The following CSF2RA variants were observed in gnomAD, a reference collection of about 807,000 sequenced individuals.
The protein encoded by CSF2RA is granulocyte-macrophage colony-stimulating factor receptor subunit alpha.
CSF2RA carries 42 observed loss-of-function variants against 51.6 expected under a neutral mutation model. The ratio of observed to expected loss-of-function variants is 0.81; its 90% CI spans 0.64 to 1.05. The LOEUF is 1.05. Among genes scored for constraint, CSF2RA ranks in the 50% least tolerant of loss-of-function variants. The probability of loss-of-function intolerance (pLI) is 0.00; values close to 1 mark genes in which losing one functional copy is unlikely to be tolerated. For synonymous variants in CSF2RA, 222 were observed against 193.0 expected (o/e 1.15, Z -1.24); for missense variants, 530 against 501.1 (o/e 1.06, Z -0.55).
rs771582096 is a variant in CSF2RA at position 1,300,546 on chromosome X, G to C, written c.866G>C (p.Arg289Thr). The C allele has an allele frequency of 6.8e-6, 11 of 1,613,788 alleles. No homozygotes were observed. Among genetic ancestry groups the C allele is most frequent in the Admixed American group, 1.7e-5 (1 of 59,966 alleles). The change falls in exon 10 of 13, where the codon AGA becomes ACA. Residue 289 changes from arginine (R) to threonine (T), a missense_variant. Arg to Thr is a moderately conservative substitution (Grantham distance 71). Coordinates refer to ENST00000381529, the MANE Select transcript of CSF2RA (RefSeq NM_172245.4). The stretch of plus-strand genomic sequence containing the variant: ...TACAACTTTCCAAGCTCTGAGCCCA[G>C]AGCAAAACACAGTGTGAAGATCAGA... ...NRYNFPSSEPRAKHSVKIRAA... is the reference protein window; with the variant it reads ...NRYNFPSSEPTAKHSVKIRAA...
intron 4 of CSF2RA, among the ~76,000 whole-genome samples, chrX:1,286,704 G>A (rs1166857248): frequency 3.3e-5 from 5 of 152,186 alleles, no homozygotes; most frequent in Non-Finnish European, 5.9e-5. Context: ...GTTAGCTCAT[G>A]TCCACAATGT....
chrX:1,294,541 G>T, intron 8 of CSF2RA, 80 bp downstream of exon 8: 1 of 1,589,268 alleles, frequency 6.3e-7, no homozygotes, highest in Non-Finnish European at 8.6e-7. Context: ...GGAATCCCGG[G>T]GAAGTGGCCT....
At chrX:1,316,283 TA>T in the CSF2RA span, among the ~76,000 whole-genome samples, 1 of 147,278 alleles carries the variant, frequency 6.8e-6, no homozygotes, top group African/African-American at 2.6e-5. Flanking sequence ...GATAGATAGA[TA>T]GATAGATAGA....
At chrX:1,301,560 C>CCCTGGCCATTTGTCCGGT (rs2082926301) in intron 10 of CSF2RA, among the ~76,000 whole-genome samples, 1 of 148,958 alleles carries the variant, frequency 6.7e-6, no homozygotes, top group African/African-American at 2.5e-5. Flanking sequence ...CATTCCGGCT[C>CCCTGGCCATTTGTCCGGT]CCTGGCCAAG....
downstream of CSF2RA, among the ~76,000 whole-genome samples, chrX:1,314,990 C>CCTGCCCA (rs2084506677): frequency 9.7e-6 from 1 of 102,922 alleles, no homozygotes; most frequent in African/African-American, 3.5e-5. Context: ...AATCGCACTG[C>CCTGCCCA]ACCTGCCCAA....
intron 10 of CSF2RA, among the ~76,000 whole-genome samples, chrX:1,300,847 T>A (rs1318704336): frequency 2.0e-5 from 3 of 151,892 alleles, no homozygotes; most frequent in Non-Finnish European, 4.4e-5. Context: ...GACGGATGAG[T>A]TGGCTCCCTT....
At chrX:1,274,470 A>T (rs2088874767) in intron 1 of CSF2RA, among the ~76,000 whole-genome samples, 1 of 148,188 alleles carries the variant, frequency 6.7e-6, no homozygotes, top group South Asian at 2.2e-4. Flanking sequence ...GATTATAGGC[A>T]CCCACTACCG....
intron 12 of CSF2RA, among the ~76,000 whole-genome samples, chrX:1,307,343 C>T (rs2083678788): frequency 6.6e-6 from 1 of 152,100 alleles, no homozygotes; most frequent in South Asian, 2.1e-4. Flanking sequence ...ATGAGGCCCA[C>T]CCTTCCCCCT....
rs1203470981 is a variant in CSF2RA, at chrX:1,296,337, T to C, written c.810+881T>C. The stretch of plus-strand genomic sequence containing the variant: ...CACGACCCCTACACTCTCCTACCCA[T>C]GACCCCTGGCGGAACCCTACAGTCC... On this transcript the variant is annotated intron_variant, in intron 9 of 12. Coordinates refer to ENST00000381529, the MANE Select transcript of CSF2RA (RefSeq NM_172245.4). Among the ~76,000 whole-genome samples, 7 of 103,620 alleles carry C rather than the reference T, an allele frequency of 6.8e-5. No individual in the cohort carries two copies. In the East Asian group the frequency reaches 2.2e-3, roughly 33 times the overall value. 68.0% of individuals were successfully genotyped at this position (103,620 alleles called of 152,430 possible). A position where few individuals can be genotyped will look rare whatever the true frequency, so the allele number is the denominator to read the frequency against.
chrX:1,285,974 T>A, intron 4 of CSF2RA, 54 bp downstream of exon 4: 1 of 1,612,288 alleles, frequency 6.2e-7, no homozygotes, highest in Non-Finnish European at 8.5e-7. Context: ...CCTTTCTGAG[T>A]TAAAAGCAAC....
the CSF2RA span, among the ~76,000 whole-genome samples, chrX:1,318,358 T>G: frequency 1.3e-5 from 2 of 151,736 alleles, no homozygotes; most frequent in South Asian, 4.2e-4. Context: ...AGACGGGGTT[T>G]CACCATGTTG....
chrX:1,305,201 C>A lies in CSF2RA; in HGVS notation c.1044-245C>A, dbSNP rs1316994312. Among the ~76,000 whole-genome samples, 7 of 150,464 alleles carry A rather than the reference C, an allele frequency of 4.7e-5. No individual in the cohort carries two copies. The Admixed American group carries it at 4.7e-4, about 10-fold the overall frequency. The stretch of plus-strand genomic sequence containing the variant: ...TAGAGACGGGGTTTCACCACGTTGG[C>A]CAGGCTGGTCTCAAACCTCAAGTGA... On this transcript the variant is annotated intron_variant, in intron 11 of 12. Coordinates refer to ENST00000381529, the MANE Select transcript of CSF2RA (RefSeq NM_172245.4).
chrX:1,286,980 A>G (rs2090753281), intron 4 of CSF2RA, among the ~76,000 whole-genome samples: 1 of 151,964 alleles, frequency 6.6e-6, no homozygotes, highest in South Asian at 2.1e-4. Context: ...GAAAGGATAG[A>G]AGGAGGAGGG....
At chrX:1,306,292 G>C (rs1284484104) in intron 12 of CSF2RA, among the ~76,000 whole-genome samples, 1 of 151,230 alleles carries the variant, frequency 6.6e-6, no homozygotes, top group Non-Finnish European at 1.5e-5. Context: ...AAAGGGAGAA[G>C]GAAAGAGAGA....
At chrX:1,316,231 G>A in the CSF2RA span, among the ~76,000 whole-genome samples, 1 of 51,624 alleles carries the variant, frequency 1.9e-5, no homozygotes, top group Admixed American at 1.9e-4. Context: ...ATAGATAGAT[G>A]ATAGATGACA....
chrX:1,302,749 A>G, intron 10 of CSF2RA: 1 of 311,782 alleles, frequency 3.2e-6, no homozygotes, highest in Non-Finnish European at 5.7e-6. Flanking sequence ...GCTGGAGTTC[A>G]ATGGCACGAT....
At chrX:1,300,904 A>C (rs2092322166) in intron 10 of CSF2RA, among the ~76,000 whole-genome samples, 1 of 152,170 alleles carries the variant, frequency 6.6e-6, no homozygotes, top group South Asian at 2.1e-4. Context: ...CTGTAATCCC[A>C]GCAATTTGGG....
chrX:1,295,905 C>T lies in CSF2RA; in HGVS notation c.810+449C>T, dbSNP rs1393726286. Among the ~76,000 whole-genome samples the T allele has an allele frequency of 3.8e-5, 5 of 132,306 alleles. No homozygotes were observed. In the East Asian group the frequency reaches 1.1e-3, roughly 30 times the overall value. The allele number at this position is 132,306 out of a possible 152,430, so 86.8% of individuals were successfully genotyped here. On this transcript the variant is annotated intron_variant, in intron 9 of 12. Transcript: ENST00000381529. ...CCCCTACTCATGACCCCTACAGTCC[C>T]CTACCGATGACCTCCAGCGTAACCC... is the stretch of plus-strand genomic sequence containing the variant.
chrX:1,323,319 G>C, the CSF2RA span, among the ~76,000 whole-genome samples: 13 of 151,226 alleles, frequency 8.6e-5, no homozygotes, highest in African/African-American at 3.2e-4. Context: ...TTCAAGACCG[G>C]CCTGGCCAAC....
Sources: allele counts gnomAD v4.1 joint callset (sites outside exome capture counted in the v4.1 genomes callset), GRCh38; gene constraint gnomAD v4.1.1; transcripts MANE v1.5; gene names NCBI Gene and HGNC (gene_info 2026-07-23, HGNC 2026-07-21).